The following WDR26 variants were observed in gnomAD, a reference collection of about 807,000 sequenced individuals.
The protein encoded by WDR26 is WD repeat-containing protein 26.
Under a neutral mutation model 84.1 loss-of-function variants are expected in WDR26, and 5 were observed. That is an observed-to-expected ratio of 0.06 (90% confidence interval 0.03 to 0.13). The LOEUF is 0.13. Among genes scored for constraint, WDR26 ranks in the 10% least tolerant of loss-of-function variants. The pLI is 1.00. For synonymous variants in WDR26, 415 were observed against 389.6 expected (o/e 1.07, Z -0.77); for missense variants, 642 against 974.9 (o/e 0.66, Z 4.55).
At chr1:224,413,410 G>T in intron 6 of WDR26, 1 of 667,774 alleles carries the variant, frequency 1.5e-6, no homozygotes, top group Non-Finnish European at 2.1e-6. Context: ...CTTAGCAGAT[G>T]GGTATTTGCA....
intron 3 of WDR26, among the ~76,000 whole-genome samples, chr1:224,426,061 T>C (rs892219536): frequency 1.3e-4 from 20 of 152,186 alleles, no homozygotes; most frequent in African/African-American, 4.8e-4. Flanking sequence ...TTTTGCCATG[T>C]TGGCCAGGCT....
At chr1:224,396,258 T>C (rs752094180) in intron 12 of WDR26, among the ~76,000 whole-genome samples, 3 of 152,194 alleles carry the variant, frequency 2.0e-5, no homozygotes, top group African/African-American at 4.8e-5. Context: ...AAAAAAAGTT[T>C]GGCTTTTCTA....
At chr1:224,391,053 G>A (rs1012790458) in intron 13 of WDR26, among the ~76,000 whole-genome samples, 2 of 151,478 alleles carry the variant, frequency 1.3e-5, no homozygotes, top group Non-Finnish European at 2.9e-5. Context: ...AGCATGCATC[G>A]GTACTTCCTT....
chr1:224,397,840 C>T lies in WDR26; in HGVS notation c.2074+257G>A, dbSNP rs1673306913. Reference sequence around the variant, plus strand: ...TGCTACGTGGTCAGAATAAGCACTGCTAATCCGTGACAATACATGACAATA... The same window carrying T: ...TGCTACGTGGTCAGAATAAGCACTGTTAATCCGTGACAATACATGACAATA... On this transcript the variant is annotated intron_variant, in intron 12 of 13. Transcript: ENST00000414423. 4 of 433,032 alleles carry T rather than the reference C, an allele frequency of 9.2e-6. No individual in the cohort carries two copies. The South Asian group carries it at 1.1e-4, about 12-fold the overall frequency. 26.8% of individuals were successfully genotyped at this position (433,032 alleles called of 1,614,324 possible).
chr1:224,401,363 CAT>C (rs1398625216), intron 8 of WDR26, among the ~76,000 whole-genome samples: 1 of 152,074 alleles, frequency 6.6e-6, no homozygotes, highest in Non-Finnish European at 1.5e-5. Flanking sequence ...TAAACTAAAA[CAT>C]GTAATTTTTC....
At chr1:224,393,313 C>T (rs939343713) in intron 13 of WDR26, among the ~76,000 whole-genome samples, 3 of 152,214 alleles carry the variant, frequency 2.0e-5, no homozygotes, top group Non-Finnish European at 4.4e-5. Flanking sequence ...TGCTGCTTGG[C>T]ACACAGGTAC....
intron 12 of WDR26, among the ~76,000 whole-genome samples, chr1:224,397,439 C>T (rs774723331): frequency 1.3e-5 from 2 of 152,178 alleles, no homozygotes; most frequent in South Asian, 2.1e-4. Context: ...TTATTACTGC[C>T]TCACTTATTT....
chr1:224,431,279 C>T (rs954571473), intron 3 of WDR26, 198 bp downstream of exon 3: 3 of 486,644 alleles, frequency 6.2e-6, no homozygotes, highest in Admixed American at 3.5e-5. Context: ...TTATAAGGTT[C>T]AAATGACACA....
At chr1:224,417,021 A>G (rs980457730) in intron 6 of WDR26, among the ~76,000 whole-genome samples, 2 of 152,236 alleles carry the variant, frequency 1.3e-5, no homozygotes, top group Non-Finnish European at 2.9e-5. Context: ...TAATAATCTA[A>G]TATTTTAAGA....
Position 224,408,096 on chromosome 1 carries a change from T to C in WDR26, c.1458+3331A>G, listed in dbSNP as rs189648327. ...GAAACACTGGCATAAGAGTCTAAAC[T>C]TCTTAGCAAAGAATACAAAAGCTCC... On this transcript the variant is annotated intron_variant, in intron 7 of 13. Transcript: ENST00000414423. Among the ~76,000 whole-genome samples, 144 of 152,324 alleles carry C rather than the reference T, an allele frequency of 9.5e-4. 1 individual carries two copies. Among genetic ancestry groups the C allele is most frequent in the Non-Finnish European group, 1.2e-4 (8 of 68,032 alleles).
intron 7 of WDR26, among the ~76,000 whole-genome samples, chr1:224,408,658 T>C (rs1673649531): frequency 7.2e-6 from 1 of 138,070 alleles, no homozygotes; most frequent in African/African-American, 2.8e-5. Flanking sequence ...TTTTTGGAGT[T>C]GGACAGGAGG....
intron 5 of WDR26, 147 bp downstream of exon 5, chr1:224,419,371 G>A (rs1487166826): frequency 1.2e-5 from 8 of 653,110 alleles, no homozygotes. Flanking sequence ...TAGACTCCAT[G>A]ACAGAGTCTG....
intron 9 of WDR26, 69 bp from the exon 10 acceptor site, chr1:224,399,103 A>AG: frequency 1.5e-6 from 2 of 1,378,606 alleles, no homozygotes; most frequent in South Asian, 3.6e-5. Flanking sequence ...AAGAACCAAA[A>AG]GACTCCCTTC....
intron 4 of WDR26, among the ~76,000 whole-genome samples, chr1:224,420,947 C>A (rs1300498234): frequency 6.6e-6 from 1 of 151,998 alleles, no homozygotes; most frequent in Non-Finnish European, 1.5e-5. Flanking sequence ...TTTTTTTGGG[C>A]AAAGTTTATT....
At chr1:224,407,151 A>AAAAAAAATATATATATATATATAT in intron 7 of WDR26, among the ~76,000 whole-genome samples, 2 of 11,872 alleles carry the variant, frequency 1.7e-4, no homozygotes, top group African/African-American at 3.9e-4. Flanking sequence ...AAAAAAAAAA[A>AAAAAAAATATATATATATATATAT]ATATATATAT....
At chr1:224,426,437 G>A (rs887792751) in intron 3 of WDR26, among the ~76,000 whole-genome samples, 6 of 151,720 alleles carry the variant, frequency 4.0e-5, no homozygotes, top group African/African-American at 1.5e-4. Flanking sequence ...ATACGGCTAA[G>A]GAACAGAAAA....
chr1:224,423,921 G>A (rs1674136784), intron 4 of WDR26, among the ~76,000 whole-genome samples: 1 of 152,070 alleles, frequency 6.6e-6, no homozygotes, highest in African/African-American at 2.4e-5. Context: ...TCAAACCTTT[G>A]GGTACTCTAA....
chr1:224,409,369 G>A (rs1038775188), intron 7 of WDR26, among the ~76,000 whole-genome samples: 1 of 152,114 alleles, frequency 6.6e-6, no homozygotes, highest in Non-Finnish European at 1.5e-5. Context: ...CTTGCTATGT[G>A]CTTTGATTTA....
intron 7 of WDR26, among the ~76,000 whole-genome samples, chr1:224,408,645 T>TTC (rs1673648592): frequency 6.6e-6 from 1 of 151,262 alleles, no homozygotes; most frequent in Non-Finnish European, 1.5e-5. Context: ...TTTTTTTTTT[T>TTC]TTTTTTTGGA....
Sources: allele counts gnomAD v4.1 joint callset (sites outside exome capture counted in the v4.1 genomes callset), GRCh38; gene constraint gnomAD v4.1.1; transcripts MANE v1.5; gene names NCBI Gene and HGNC (gene_info 2026-07-23, HGNC 2026-07-21).